The following DNAH9 variants were observed in gnomAD, a reference collection of about 807,000 sequenced individuals.
DNAH9 encodes DNAH9 variant protein.
A neutral mutation model predicts 471.6 loss-of-function variants in DNAH9; 345 were observed. That is an observed-to-expected ratio of 0.73 (90% confidence interval 0.67 to 0.80). The LOEUF is 0.80. Ranked by LOEUF, DNAH9 falls within the 30% of genes least tolerant of loss-of-function variation. The probability of loss-of-function intolerance (pLI) is 0.00; values close to 1 mark genes in which losing one functional copy is unlikely to be tolerated. For missense variants in DNAH9, 5,407 were observed against 5,609.2 expected (o/e 0.96, Z 1.15); for synonymous variants, 2,093 against 2,123.6 (o/e 0.99, Z 0.40).
chr17:11,890,951 T>C (rs1383749732), intron 57 of DNAH9, among the ~76,000 whole-genome samples: 2 of 152,204 alleles, frequency 1.3e-5, no homozygotes, highest in African/African-American at 4.8e-5. Context: ...CCTCCCAAAG[T>C]GCTGAGATTA....
chr17:11,657,085 C>T (rs1780543941), intron 14 of DNAH9, among the ~76,000 whole-genome samples: 2 of 152,084 alleles, frequency 1.3e-5, no homozygotes, highest in African/African-American at 4.8e-5. Flanking sequence ...TTTCATTTCT[C>T]TTGAGAACTG....
intron 9 of DNAH9, among the ~76,000 whole-genome samples, chr17:11,639,418 C>T (rs1215808090): frequency 6.6e-6 from 1 of 152,202 alleles, no homozygotes; most frequent in Non-Finnish European, 1.5e-5. Flanking sequence ...AAAGCGAAAC[C>T]TCACATTTGT....
intron 20 of DNAH9, 38 bp from the exon 21 acceptor site, chr17:11,693,825 TGAGTG>T: frequency 6.2e-7 from 1 of 1,612,460 alleles, no homozygotes; most frequent in East Asian, 2.2e-5. Flanking sequence ...TTCTAGGAAC[TGAGTG>T]GAGTGGTGGT....
At chr17:11,910,795 G>T (rs1973769469) in intron 61 of DNAH9, among the ~76,000 whole-genome samples, 1 of 152,228 alleles carries the variant, frequency 6.6e-6, no homozygotes, top group Non-Finnish European at 1.5e-5. Flanking sequence ...TTTCCCAAAT[G>T]ATGGTAAGTG....
chr17:11,816,140 C>G (rs1000851589), intron 45 of DNAH9, among the ~76,000 whole-genome samples: 2 of 152,064 alleles, frequency 1.3e-5, no homozygotes, highest in Non-Finnish European at 2.9e-5. Context: ...CTACAGCACT[C>G]GATAGCTGCA....
intron 35 of DNAH9, among the ~76,000 whole-genome samples, chr17:11,760,471 A>G (rs1967617335): frequency 6.6e-6 from 1 of 151,470 alleles, no homozygotes; most frequent in South Asian, 2.1e-4. Flanking sequence ...CGAACTCTCA[A>G]TTATGGGTGC....
At chr17:11,770,445 G>C (rs957508883) in intron 38 of DNAH9, among the ~76,000 whole-genome samples, 12 of 140,630 alleles carry the variant, frequency 8.5e-5, no homozygotes, top group Non-Finnish European at 1.8e-4. Context: ...AAATGCTGAT[G>C]GGGGGGAGCA....
At position 11,747,767 on chromosome 17, in the gene DNAH9, G is replaced by A; in HGVS notation, c.6610+1G>A. The A allele has an allele frequency of 6.2e-7, 1 of 1,611,884 alleles. No homozygotes were observed. Among genetic ancestry groups the A allele is most frequent in the Non-Finnish European group, 8.5e-7 (1 of 1,178,060 alleles). ...CCAGCCACAGGAGAATGGAAGGATG[G>A]TAAGAGTGGGATTCTCCCAGGAGAA... On this transcript the variant is annotated splice_donor_variant, in intron 32 of 68. Transcript: ENST00000262442. LOFTEE classifies it high-confidence loss of function.
chr17:11,915,137 A>G (rs1973901614), intron 61 of DNAH9, among the ~76,000 whole-genome samples: 1 of 151,390 alleles, frequency 6.6e-6, no homozygotes, highest in Admixed American at 6.6e-5. Flanking sequence ...GCTCATCTCC[A>G]CTCTTCTTCC....
At chr17:11,946,356 C>T (rs984468170) in intron 67 of DNAH9, among the ~76,000 whole-genome samples, 1 of 151,832 alleles carries the variant, frequency 6.6e-6, no homozygotes, top group Admixed American at 6.6e-5. Context: ...CACCATCACA[C>T]GTTTGAATGA....
chr17:11,755,701 C>T (rs1280873361), intron 33 of DNAH9, among the ~76,000 whole-genome samples: 1 of 151,980 alleles, frequency 6.6e-6, no homozygotes, highest in African/African-American at 2.4e-5. Context: ...CACACACACA[C>T]ACACACACAG....
At chr17:11,832,495 A>G (rs1274842705) in intron 48 of DNAH9, among the ~76,000 whole-genome samples, 1 of 152,264 alleles carries the variant, frequency 6.6e-6, no homozygotes, top group Non-Finnish European at 1.5e-5. Context: ...CCGCAGCTGA[A>G]CAACAGGAGA....
intron 42 of DNAH9, among the ~76,000 whole-genome samples, chr17:11,795,187 C>A (rs1207573242): frequency 6.6e-6 from 1 of 152,078 alleles, no homozygotes. Flanking sequence ...TCTCATTAAA[C>A]CTATTAATAA....
At position 11,689,868 on chromosome 17, in the gene DNAH9, A is replaced by G. The variant is rs1465231958; in HGVS notation, c.4046A>G (p.Glu1349Gly). Reference protein sequence around the residue: ...FARHIRNLDKEVRAWDAFTGL... With the variant: ...FARHIRNLDKGVRAWDAFTGL... ...CGGCATATCCGAAACCTGGACAAGG[A>G]GGTCAGGGCCTGGGATGCATTCACA... The change falls in exon 20 of 69, where the codon GAG (glutamate) becomes GGG (glycine). Residue 1349 changes from glutamate to glycine, a missense_variant. By Grantham distance (98) the Glu-to-Gly change is moderately conservative. Around this residue, in one of 3 missense-constraint regions of DNAH9, gnomAD observed 4,636 missense variants for 4,900.3 expected, o/e 0.95. Transcript: ENST00000262442. The G allele has an allele frequency of 2.0e-5, 33 of 1,610,142 alleles. No individual in the cohort carries two copies. The highest frequency in any genetic ancestry group is 2.8e-5 in the Non-Finnish European group (33 of 1,177,832).
intron 45 of DNAH9, 103 bp downstream of exon 45, chr17:11,810,472 T>A: frequency 6.9e-7 from 1 of 1,447,582 alleles, no homozygotes; most frequent in Middle Eastern, 2.1e-4. Context: ...AAGGTCATAG[T>A]AATGAGGAAG....
At chr17:11,820,717 A>G (rs1015558675) in intron 45 of DNAH9, among the ~76,000 whole-genome samples, 2 of 150,394 alleles carry the variant, frequency 1.3e-5, no homozygotes, top group African/African-American at 5.0e-5. Context: ...GAGTTAACAT[A>G]TTTTCTTAGT....
chr17:11,917,693 A>C (rs889447958), intron 61 of DNAH9, among the ~76,000 whole-genome samples: 1 of 152,222 alleles, frequency 6.6e-6, no homozygotes, highest in African/African-American at 2.4e-5. Context: ...CTGTGAAGAT[A>C]AAAACAAAAT....
At chr17:11,743,721 A>C (rs962883252) in intron 30 of DNAH9, among the ~76,000 whole-genome samples, 8 of 150,874 alleles carry the variant, frequency 5.3e-5, no homozygotes, top group Admixed American at 4.6e-4. Flanking sequence ...ACTGAATTCT[A>C]CTCCTTCAAG....
At chr17:11,650,620 CTG>C (rs1338986621) in intron 12 of DNAH9, among the ~76,000 whole-genome samples, 1 of 152,238 alleles carries the variant, frequency 6.6e-6, no homozygotes, top group Non-Finnish European at 1.5e-5. Context: ...CTCGCTATAA[CTG>C]TTTCATTTGG....
Sources: gnomAD v4.1 joint callset for allele counts (sites outside exome capture counted in the v4.1 genomes callset) on GRCh38, gnomAD v4.1.1 for gene constraint, gnomAD v4.1.1 regional missense constraint, MANE v1.5 for transcripts, NCBI Gene and HGNC (gene_info 2026-07-23, HGNC 2026-07-21) for gene names.